Variants in PAN3 observed in about 807,000 individuals in gnomAD.
PAN3 encodes PAN2-PAN3 deadenylation complex subunit PAN3.
A neutral mutation model predicts 96.2 loss-of-function variants in PAN3; 19 were observed. That is an observed-to-expected ratio of 0.20 (90% CI 0.14 to 0.29). The LOEUF is 0.29. PAN3 is among the 10% of genes least tolerant of loss of function. The pLI is 1.00. For missense variants in PAN3, 882 were observed against 1,108.1 expected (o/e 0.80, Z 2.90); for synonymous variants, 433 against 406.6 (o/e 1.06, Z -0.78).
intron 5 of PAN3, among the ~76,000 whole-genome samples, chr13:28,209,764 C>CCTGT (rs1879807150): frequency 6.6e-6 from 1 of 151,938 alleles, no homozygotes. Flanking sequence ...TGCCTGCCTG[C>CCTGT]CTGCCTGCCT....
intron 6 of PAN3, among the ~76,000 whole-genome samples, chr13:28,223,871 ATTTTTTTTTT>A (rs560571140): frequency 2.7e-5 from 2 of 75,010 alleles, no homozygotes; most frequent in Admixed American, 1.4e-4. Context: ...ATGAAAAGTG[ATTTTTTTTTT>A]TTTTTTTTTT....
At chr13:28,167,724 G>T (rs1217893074) in intron 1 of PAN3, among the ~76,000 whole-genome samples, 1 of 150,470 alleles carries the variant, frequency 6.6e-6, no homozygotes, top group Non-Finnish European at 1.5e-5. Flanking sequence ...CATTCCTGTA[G>T]TCCCACCTAT....
intron 4 of PAN3, among the ~76,000 whole-genome samples, chr13:28,196,321 G>A (rs1296112): frequency 0.39 from 59,178 of 151,898 alleles, 13,162 homozygotes; most frequent in African/African-American, 0.62. Context: ...ATACATACAA[G>A]TTTTCCTTAA....
intron 6 of PAN3, among the ~76,000 whole-genome samples, chr13:28,246,589 T>C (rs1026454250): frequency 1.3e-5 from 2 of 152,174 alleles, no homozygotes; most frequent in African/African-American, 4.8e-5. Context: ...CCACCAACAC[T>C]TCTCAACTTC....
intron 4 of PAN3, among the ~76,000 whole-genome samples, chr13:28,184,522 T>A (rs372097968): frequency 8.5e-5 from 13 of 152,228 alleles, no homozygotes; most frequent in African/African-American, 3.1e-4. Context: ...TGCCTGCTTC[T>A]TTTTCCACTT....
intron 5 of PAN3, among the ~76,000 whole-genome samples, chr13:28,203,367 C>T (rs1038872180): frequency 6.6e-5 from 10 of 152,042 alleles, no homozygotes; most frequent in Non-Finnish European, 1.2e-4. Flanking sequence ...GCAGTGGTAT[C>T]GTCATGGCCC....
At position 28,224,162 on chromosome 13, in the gene PAN3, C is replaced by T. The variant is rs552247722; in HGVS notation, c.1000+3784C>T. 5.8e-4 allele frequency among the ~76,000 whole-genome samples: 88 copies of T among 152,194 alleles called. 1 individual carries two copies. Among genetic ancestry groups the T allele is most frequent in the African/African-American group, 2.1e-3 (87 of 41,538 alleles). Reference sequence around the variant, plus strand: ...CTGGGATTACAGGCGTGAGCAACCGCGCCCGGCCAAAAAGTAATTTTATCG... The same window carrying T: ...CTGGGATTACAGGCGTGAGCAACCGTGCCCGGCCAAAAAGTAATTTTATCG... On this transcript the variant is annotated intron_variant, in intron 6 of 18. Coordinates refer to ENST00000380958, the MANE Select transcript of PAN3 (RefSeq NM_175854.8).
chr13:28,205,008 G>A (rs1879182558), intron 5 of PAN3, among the ~76,000 whole-genome samples: 1 of 151,456 alleles, frequency 6.6e-6, no homozygotes. Flanking sequence ...TTTTGTAAGA[G>A]GTATTTAATT....
intron 4 of PAN3, 32 bp from the exon 5 acceptor site, chr13:28,197,153 A>C: frequency 3.7e-6 from 6 of 1,602,598 alleles, no homozygotes; most frequent in Non-Finnish European, 5.1e-6. Flanking sequence ...GGATGTTAGG[A>C]GTGGCCTGGT....
intron 9 of PAN3, 88 bp downstream of exon 9, chr13:28,261,546 T>G: frequency 2.4e-6 from 3 of 1,241,084 alleles, no homozygotes; most frequent in Non-Finnish European, 2.3e-6. Flanking sequence ...TTAAGAAGAG[T>G]TCCAGGCTGG....
At chr13:28,171,291 C>T (rs1874272645) in intron 1 of PAN3, among the ~76,000 whole-genome samples, 2 of 152,192 alleles carry the variant, frequency 1.3e-5, no homozygotes, top group Non-Finnish European at 1.5e-5. Flanking sequence ...TACACTCTCA[C>T]ACAACACTTT....
intron 1 of PAN3, among the ~76,000 whole-genome samples, chr13:28,161,901 G>A (rs1469258356): frequency 6.6e-6 from 1 of 152,146 alleles, no homozygotes; most frequent in African/African-American, 2.4e-5. Flanking sequence ...GACAGCTTCT[G>A]TGGGTTTTAT....
At chr13:28,144,761 C>T (rs1167360308) in intron 1 of PAN3, among the ~76,000 whole-genome samples, 1 of 136,332 alleles carries the variant, frequency 7.3e-6, no homozygotes, top group East Asian at 2.3e-4. Flanking sequence ...CACTCTGTAG[C>T]CCAGGATGGA....
intron 9 of PAN3, among the ~76,000 whole-genome samples, chr13:28,264,056 G>A (rs921863931): frequency 2.6e-5 from 4 of 152,152 alleles, no homozygotes; most frequent in African/African-American, 9.7e-5. Flanking sequence ...TTACAGTGCA[G>A]TGAACATATT....
intron 1 of PAN3, among the ~76,000 whole-genome samples, chr13:28,160,174 T>G (rs1872721215): frequency 6.6e-6 from 1 of 152,272 alleles, no homozygotes; most frequent in East Asian, 1.9e-4. Flanking sequence ...ACTCCTGACC[T>G]TGGGTGTTCC....
chr13:28,250,714 G>C (rs1436089522), intron 6 of PAN3, among the ~76,000 whole-genome samples: 1 of 151,740 alleles, frequency 6.6e-6, no homozygotes, highest in Non-Finnish European at 1.5e-5. Context: ...ATGTTGCCCA[G>C]ACTGGCCTCT....
At chr13:28,174,488 G>A (rs1039203167) in intron 2 of PAN3, 95 bp downstream of exon 2, 18 of 1,387,328 alleles carry the variant, frequency 1.3e-5, no homozygotes, top group South Asian at 5.5e-5. Flanking sequence ...TGTTGAGTGG[G>A]AGGTGAGATT....
intron 5 of PAN3, among the ~76,000 whole-genome samples, chr13:28,203,598 C>G (rs1382800888): frequency 6.6e-6 from 1 of 152,104 alleles, no homozygotes; most frequent in African/African-American, 2.4e-5. Flanking sequence ...TGTGAGCCAC[C>G]ACACTGGGTC....
chr13:28,152,770 A>G (rs1287759429), intron 1 of PAN3, among the ~76,000 whole-genome samples: 2 of 152,224 alleles, frequency 1.3e-5, no homozygotes, highest in Non-Finnish European at 2.9e-5. Context: ...GGCAGTTTAC[A>G]GAAGAAATAC....
Sources: gnomAD v4.1 joint callset for allele counts (sites outside exome capture counted in the v4.1 genomes callset) on GRCh38, gnomAD v4.1.1 for gene constraint, MANE v1.5 for transcripts, NCBI Gene and HGNC (gene_info 2026-07-23, HGNC 2026-07-21) for gene names.